Variants in STX18 observed in about 807,000 individuals in gnomAD.
The protein encoded by STX18 is syntaxin 18.
A neutral mutation model predicts 50.1 loss-of-function variants in STX18; 40 were observed. That is an observed-to-expected ratio of 0.80 (90% CI 0.62 to 1.04). The LOEUF is 1.04. Ranked by LOEUF, STX18 falls within the 50% of genes least tolerant of loss-of-function variation. The pLI is 0.00. For missense variants in STX18, 410 were observed against 415.8 expected (o/e 0.99, Z 0.12); for synonymous variants, 158 against 151.8 (o/e 1.04, Z -0.30).
chr4:4,521,627 G>A (rs1008103820), intron 1 of STX18, among the ~76,000 whole-genome samples: 5 of 151,568 alleles, frequency 3.3e-5, no homozygotes, highest in African/African-American at 1.2e-4. Context: ...TTGTAGAAAG[G>A]GTATTTAAAA....
chr4:4,515,462 C>A (rs888791690), intron 1 of STX18, among the ~76,000 whole-genome samples: 46 of 152,196 alleles, frequency 3.0e-4, no homozygotes, highest in African/African-American at 1.1e-3. Flanking sequence ...TGTGGTGGTT[C>A]ATGGTAATTA....
chr4:4,492,185 T>A (rs1047046687), intron 1 of STX18, among the ~76,000 whole-genome samples: 1 of 152,104 alleles, frequency 6.6e-6, no homozygotes. Flanking sequence ...CTAGTAACCA[T>A]AGAAATTAAT....
intron 6 of STX18, among the ~76,000 whole-genome samples, chr4:4,437,229 T>G (rs982129431): frequency 2.0e-5 from 3 of 152,172 alleles, no homozygotes; most frequent in African/African-American, 7.2e-5. Context: ...GTGCTGGGAT[T>G]ACAGGTGTGA....
chr4:4,508,824 T>C (rs1729861044), intron 1 of STX18, among the ~76,000 whole-genome samples: 1 of 152,228 alleles, frequency 6.6e-6, no homozygotes, highest in African/African-American at 2.4e-5. Context: ...TAAGGTTTTC[T>C]GTTCTTGTGT....
At chr4:4,459,062 G>GCACACACACA (rs60704649) in intron 3 of STX18, among the ~76,000 whole-genome samples, 4,546 of 144,324 alleles carry the variant, frequency 0.031, 178 homozygotes, top group African/African-American at 0.094. Flanking sequence ...ACACACACAC[G>GCACACACACA]CACACACACA....
intron 1 of STX18, among the ~76,000 whole-genome samples, chr4:4,484,828 T>C (rs1728630938): frequency 6.6e-6 from 1 of 152,254 alleles, no homozygotes; most frequent in Non-Finnish European, 1.5e-5. Context: ...CTTTCTTTTC[T>C]GTGTGCTTGG....
chr4:4,518,462 C>A (rs1385650856), intron 1 of STX18, among the ~76,000 whole-genome samples: 1 of 152,166 alleles, frequency 6.6e-6, no homozygotes, highest in Admixed American at 6.5e-5. Context: ...CTGAGTGCAA[C>A]AAGCCAATCT....
chr4:4,452,258 TA>T (rs1474248214), intron 5 of STX18, among the ~76,000 whole-genome samples: 2 of 152,178 alleles, frequency 1.3e-5, no homozygotes, highest in East Asian at 3.9e-4. Flanking sequence ...TTCCATAATG[TA>T]AAAGTACAAG....
At chr4:4,441,073 T>A (rs997255592) in intron 5 of STX18, among the ~76,000 whole-genome samples, 1 of 152,158 alleles carries the variant, frequency 6.6e-6, no homozygotes, top group African/African-American at 2.4e-5. Context: ...GCTGCATGAG[T>A]GTGTTACTGG....
At chr4:4,519,098 T>C (rs570319258) in intron 1 of STX18, among the ~76,000 whole-genome samples, 6 of 152,176 alleles carry the variant, frequency 3.9e-5, no homozygotes, top group African/African-American at 1.2e-4. Context: ...CATAAGCCAA[T>C]GCAAAATCAC....
chr4:4,503,206 T>C (rs141847976), intron 1 of STX18, among the ~76,000 whole-genome samples: 8 of 152,308 alleles, frequency 5.3e-5, no homozygotes, highest in Admixed American at 2.6e-4. Context: ...TATCTCCTTG[T>C]TTATGTAAAT....
At chr4:4,476,975 G>A (rs1019418190) in intron 1 of STX18, among the ~76,000 whole-genome samples, 4 of 152,054 alleles carry the variant, frequency 2.6e-5, no homozygotes, top group East Asian at 1.9e-4. Flanking sequence ...TGAGGCGGGC[G>A]GGTCACCTGA....
rs1399552813 is a variant in STX18, at chr4:4,425,530, C to G, written c.703-308G>C. ...ACCTACCCGCTCTCCCCTGGGATCC[C>G]ACGGCCTGCTTCCTGACTCTAGTAC... On this transcript the variant is annotated intron_variant, in intron 7 of 10. Transcript: ENST00000306200. The G allele has an allele frequency of 1.0e-5, 5 of 501,688 alleles. No homozygotes were observed. In the Admixed American group the frequency reaches 1.6e-4, roughly 16 times the overall value. 31.1% of individuals were successfully genotyped at this position (501,688 alleles called of 1,614,324 possible).
At chr4:4,442,299 C>A (rs949679267) in intron 5 of STX18, among the ~76,000 whole-genome samples, 5 of 151,848 alleles carry the variant, frequency 3.3e-5, no homozygotes, top group Non-Finnish European at 5.9e-5. Flanking sequence ...GAGATATACA[C>A]ATAAAAAAAT....
intron 1 of STX18, among the ~76,000 whole-genome samples, chr4:4,508,304 A>G (rs1366947530): frequency 6.6e-6 from 1 of 152,160 alleles, no homozygotes; most frequent in African/African-American, 2.4e-5. Flanking sequence ...CTAGAATACA[A>G]CAACCTATCT....
chr4:4,422,058 A>G (rs1283213540), intron 9 of STX18, among the ~76,000 whole-genome samples: 2 of 152,100 alleles, frequency 1.3e-5, no homozygotes, highest in African/African-American at 4.8e-5. Flanking sequence ...GAGAAACCTG[A>G]CTGACACATT....
At chr4:4,462,854 T>C (rs1727452194) in intron 2 of STX18, among the ~76,000 whole-genome samples, 1 of 152,230 alleles carries the variant, frequency 6.6e-6, no homozygotes, top group South Asian at 2.1e-4. Context: ...TAGCATTTGC[T>C]GCCCTTGTAG....
chr4:4,459,476 GAC>G lies in STX18; in HGVS notation c.246_247del (p.Met82IlefsTer2). The G allele has an allele frequency of 6.8e-6, 11 of 1,613,192 alleles. No individual in the cohort carries two copies. Among genetic ancestry groups the G allele is most frequent in the Non-Finnish European group, 9.3e-6 (11 of 1,179,192 alleles). On this transcript the variant is annotated frameshift_variant, in exon 3 of 11. Transcript: ENST00000306200. LOFTEE classifies it high-confidence loss of function. Reference sequence around the variant, plus strand: ...TGTGTCTGTCATCCTCCCATATTCAGACATGGTATGGCTAAAAAAAGACAGCA... The same window carrying G: ...TGTGTCTGTCATCCTCCCATATTCAGATGGTATGGCTAAAAAAAGACAGCA...
chr4:4,439,593 C>A (rs185318698), intron 5 of STX18, among the ~76,000 whole-genome samples: 2,163 of 127,910 alleles, frequency 0.017, 48 homozygotes, highest in African/African-American at 0.069. Context: ...ACACACACAC[C>A]CCCACACACA....
Sources: allele counts gnomAD v4.1 joint callset (sites outside exome capture counted in the v4.1 genomes callset), GRCh38; gene constraint gnomAD v4.1.1; transcripts MANE v1.5; gene names NCBI Gene and HGNC (gene_info 2026-07-23, HGNC 2026-07-21).